RANBP17: variants seen among roughly 807,000 people sequenced by gnomAD.
The protein encoded by RANBP17 is RAN binding protein 17, also known as ran-binding protein 17.
RANBP17 carries 158 observed loss-of-function variants against 141.2 expected under a neutral mutation model. That is an observed-to-expected ratio of 1.12 (90% CI 0.98 to 1.28). The LOEUF (loss-of-function observed/expected upper bound fraction) is 1.28, where lower values mean the gene tolerates loss of function less well. Ranked by LOEUF, RANBP17 falls within the 50% of genes most tolerant of loss-of-function variation. The probability of loss-of-function intolerance (pLI) is 0.00; values close to 1 mark genes in which losing one functional copy is unlikely to be tolerated. For missense variants in RANBP17, 1,438 were observed against 1,290.7 expected (o/e 1.11, Z -1.75); for synonymous variants, 430 against 450.0 (o/e 0.96, Z 0.56).
chr5:170,892,037 T>C (rs1239249785), intron 3 of RANBP17, among the ~76,000 whole-genome samples: 2 of 152,248 alleles, frequency 1.3e-5, no homozygotes, highest in East Asian at 3.9e-4. Flanking sequence ...TGAGGAGAGC[T>C]ATTAACTTTT....
intron 19 of RANBP17, among the ~76,000 whole-genome samples, chr5:171,204,628 A>G (rs1762470688): frequency 6.6e-6 from 1 of 152,182 alleles, no homozygotes; most frequent in East Asian, 1.9e-4. Context: ...TTGTTCCGAC[A>G]TTCTAGCATC....
In RANBP17 at chr5:171,053,925, A is replaced by ATATATATATATATT. The variant is rs1491125081; in HGVS notation, c.1710+85548_1710+85549insTATATATATATATT. On this transcript the variant is annotated intron_variant, in intron 14 of 27. Coordinates refer to ENST00000523189, the MANE Select transcript of RANBP17 (RefSeq NM_022897.5). ...TATATATATATATATATATATATAT[A>ATATATATATATATT]ATTGCTGTATTTGATGCATATATGC... Among the ~76,000 whole-genome samples the ATATATATATATATT allele has an allele frequency of 8.0e-4, 26 of 32,406 alleles. 2 individuals carry two copies. Among genetic ancestry groups the ATATATATATATATT allele is most frequent in the East Asian group, 1.3e-3 (1 of 768 alleles). 21.3% of individuals were successfully genotyped at this position (32,406 alleles called of 152,430 possible).
intron 12 of RANBP17, among the ~76,000 whole-genome samples, chr5:170,941,348 A>C (rs1162570095): frequency 6.6e-6 from 1 of 152,184 alleles, no homozygotes; most frequent in Non-Finnish European, 1.5e-5. Context: ...TCTTGTGATT[A>C]GGAAGAAAGA....
intron 14 of RANBP17, among the ~76,000 whole-genome samples, chr5:171,032,358 C>T (rs926594688): frequency 4.6e-5 from 7 of 152,004 alleles, no homozygotes; most frequent in South Asian, 2.1e-4. Flanking sequence ...TTCAAGACAA[C>T]GCAGTTTAGT....
chr5:171,092,029 C>T (rs1786329076), intron 14 of RANBP17, among the ~76,000 whole-genome samples: 1 of 152,166 alleles, frequency 6.6e-6, no homozygotes, highest in Non-Finnish European at 1.5e-5. Flanking sequence ...CCCCAGAATA[C>T]ACTGAGGGAC....
chr5:170,918,712 G>T lies in RANBP17; in HGVS notation c.955-1G>T. The T allele has an allele frequency of 1.3e-6, 2 of 1,595,388 alleles. No individual in the cohort carries two copies. The highest frequency in any genetic ancestry group is 1.1e-5 in the South Asian group (1 of 87,692). On this transcript the variant is annotated splice_acceptor_variant, in intron 9 of 27. Coordinates refer to ENST00000523189, the MANE Select transcript of RANBP17 (RefSeq NM_022897.5). LOFTEE classifies it high-confidence loss of function. ...GCCTTTCTTTTTGTCTCATAATTTAGGGTTTGTCTGATCCAGGTAATTATC... is the reference window on the plus strand; with the variant it reads ...GCCTTTCTTTTTGTCTCATAATTTATGGTTTGTCTGATCCAGGTAATTATC...
chr5:171,111,234 T>C (rs1033094239), intron 14 of RANBP17, among the ~76,000 whole-genome samples: 1 of 152,194 alleles, frequency 6.6e-6, no homozygotes, highest in African/African-American at 2.4e-5. Flanking sequence ...AGTAGCATAT[T>C]CTGCTACTCA....
At chr5:171,294,464 A>G (rs1768696263) in intron 26 of RANBP17, among the ~76,000 whole-genome samples, 1 of 152,098 alleles carries the variant, frequency 6.6e-6, no homozygotes, top group African/African-American at 2.4e-5. Context: ...GCTACCTCCC[A>G]AGCCTCTCCA....
chr5:171,182,369 C>T (rs1048765683), intron 16 of RANBP17, among the ~76,000 whole-genome samples: 2 of 152,042 alleles, frequency 1.3e-5, no homozygotes, highest in Admixed American at 1.3e-4. Flanking sequence ...TTCATGTTTC[C>T]GATTTCTTAA....
At chr5:171,105,647 G>C (rs1581648228) in intron 14 of RANBP17, among the ~76,000 whole-genome samples, 1 of 151,972 alleles carries the variant, frequency 6.6e-6, no homozygotes, top group East Asian at 1.9e-4. Flanking sequence ...GAGCCCAGGA[G>C]TTTGAAGTTC....
chr5:170,984,990 CAT>C (rs1441744488), intron 14 of RANBP17, among the ~76,000 whole-genome samples: 18 of 151,834 alleles, frequency 1.2e-4, no homozygotes, highest in Admixed American at 9.9e-4. Flanking sequence ...AAGACACACA[CAT>C]ATACACAGAC....
intron 4 of RANBP17, among the ~76,000 whole-genome samples, chr5:170,895,770 G>A (rs1206784326): frequency 6.6e-6 from 1 of 152,160 alleles, no homozygotes; most frequent in African/African-American, 2.4e-5. Context: ...TCCTATAAGT[G>A]CTGGAAACAT....
intron 25 of RANBP17, among the ~76,000 whole-genome samples, chr5:171,283,829 TACTC>T (rs138781985): frequency 0.12 from 18,573 of 152,114 alleles, 1,412 homozygotes; most frequent in East Asian, 0.2. Context: ...CACTGTCTCT[TACTC>T]ACAGCTCTTT....
In RANBP17 at chr5:171,016,958, GT is replaced by G. The variant is rs564142196; in HGVS notation, c.1710+48585del. On this transcript the variant is annotated intron_variant, in intron 14 of 27. Transcript: ENST00000523189. ...GTGTTGTTCCCCTCTATGTGTCCAT[GT>G]TTTCTCATTGTTCAACTCCCACTTA... is the stretch of plus-strand genomic sequence containing the variant. 3.7e-3 allele frequency among the ~76,000 whole-genome samples: 474 copies of G among 127,272 alleles called. 3 individuals are homozygous for G. The highest frequency in any genetic ancestry group is 0.014 in the African/African-American group (459 of 32,516). The allele number at this position is 127,272 out of a possible 152,430, so 83.5% of individuals were successfully genotyped here. A position where few individuals can be genotyped will look rare whatever the true frequency, so the allele number is the denominator to read the frequency against.
At chr5:171,109,394 G>A (rs1027986540) in intron 14 of RANBP17, among the ~76,000 whole-genome samples, 4 of 152,074 alleles carry the variant, frequency 2.6e-5, no homozygotes. Flanking sequence ...TGCCTTAGAA[G>A]TTATTTCTAG....
intron 18 of RANBP17, among the ~76,000 whole-genome samples, chr5:171,183,767 G>A (rs75332810): frequency 0.013 from 2,013 of 152,156 alleles, 30 homozygotes; most frequent in East Asian, 0.049. Context: ...AAAGATTTTC[G>A]TCATAGTGAT....
At chr5:171,285,450 C>T (rs1293852511) in intron 25 of RANBP17, among the ~76,000 whole-genome samples, 2 of 152,190 alleles carry the variant, frequency 1.3e-5, no homozygotes, top group Non-Finnish European at 2.9e-5. Context: ...CTCAAAAATA[C>T]AGATCTTCCC....
intron 14 of RANBP17, among the ~76,000 whole-genome samples, chr5:171,082,887 A>AG (rs1491184434): frequency 8.6e-5 from 2 of 23,332 alleles, no homozygotes; most frequent in Non-Finnish European, 3.4e-4. Context: ...CTCTTTAAAG[A>AG]AAAAAAAAAA....
intron 14 of RANBP17, among the ~76,000 whole-genome samples, chr5:171,132,798 C>CT (rs1194704709): frequency 1.3e-5 from 2 of 152,050 alleles, no homozygotes; most frequent in Non-Finnish European, 2.9e-5. Context: ...TTCGTTTACT[C>CT]TGATTTTCTA....
Sources: allele counts gnomAD v4.1 joint callset (sites outside exome capture counted in the v4.1 genomes callset), GRCh38; gene constraint gnomAD v4.1.1; transcripts MANE v1.5; gene names NCBI Gene and HGNC (gene_info 2026-07-23, HGNC 2026-07-21).